The following SNRPD3 variants were observed in gnomAD, a reference collection of about 807,000 sequenced individuals.
SNRPD3 encodes the protein small nuclear ribonucleoprotein D3 polypeptide, also known as small nuclear ribonucleoprotein Sm D3.
For missense variants in SNRPD3, 73 were observed against 167.5 expected, an observed-to-expected ratio of 0.44 and a Z score of 3.11; for synonymous variants, 66 against 58.4, an observed-to-expected ratio of 1.13 and a Z score of -0.59.
At chr22:24,571,289 T>C (rs970404625) in intron 3 of SNRPD3, among the ~76,000 whole-genome samples, 15 of 152,238 alleles carry the variant, frequency 9.9e-5, no homozygotes, top group Non-Finnish European at 1.8e-4. Flanking sequence ...TTGTCTTTTC[T>C]GTAGCTCTCA....
Position 24,569,128 on chromosome 22 carries a change from C to T in SNRPD3, c.319+952C>T, listed in dbSNP as rs916706844. 2.0e-5 allele frequency among the ~76,000 whole-genome samples: 3 copies of T among 152,124 alleles called. No homozygotes were observed. In the East Asian group the frequency reaches 5.8e-4, roughly 29 times the overall value. On this transcript the variant is annotated intron_variant, in intron 3 of 3. Transcript: ENST00000215829. Reference sequence around the variant, plus strand: ...GACTCGAGTGTGAGGGCAGCATTTCCTAGCGAGACTGGGTCTTATGGATGG... The same window carrying T: ...GACTCGAGTGTGAGGGCAGCATTTCTTAGCGAGACTGGGTCTTATGGATGG...
At chr22:24,567,938 C>A in intron 2 of SNRPD3, 46 bp from the exon 3 acceptor site, 1 of 1,484,296 alleles carries the variant, frequency 6.7e-7, no homozygotes. Flanking sequence ...CTCCCCACCG[C>A]TGGTGCTGTT....
chr22:24,572,060 A>G lies in SNRPD3; in HGVS notation c.*83A>G. 6.3e-7 allele frequency: 1 copy of G among 1,588,056 alleles called. No individual in the cohort carries two copies. Among genetic ancestry groups the G allele is most frequent in the Admixed American group, 1.8e-5 (1 of 56,218 alleles). The stretch of plus-strand genomic sequence containing the variant: ...GAGTGGGTGCTTGTGCATATATGCT[A>G]GGTATCTTTTGCCATCTTTCTCTTT... On this transcript the variant is annotated 3_prime_UTR_variant, in exon 4 of 4. Transcript: ENST00000215829.
intron 2 of SNRPD3, among the ~76,000 whole-genome samples, chr22:24,564,454 A>G (rs2045176812): frequency 6.6e-6 from 1 of 152,214 alleles, no homozygotes; most frequent in East Asian, 1.9e-4. Flanking sequence ...GGTTCACTCA[A>G]AAGTTGCTGC....
At chr22:24,555,694 G>A, upstream of SNRPD3, 1 of 1,550,682 alleles carries the variant, frequency 6.4e-7, no homozygotes, top group East Asian at 2.4e-5. Flanking sequence ...TCCCCGGTCT[G>A]AGGGCCCAAG....
In SNRPD3 at chr22:24,560,715, C is replaced by CCTTTTTTTTTTTTT. The variant is rs1569024539; in HGVS notation, c.126+2915_126+2916insCTTTTTTTTTTTTT. Among the ~76,000 whole-genome samples, 8 of 98,864 alleles carry CCTTTTTTTTTTTTT rather than the reference C, an allele frequency of 8.1e-5. 4 individuals carry two copies. The highest frequency in any genetic ancestry group is 3.7e-5 in the Non-Finnish European group (2 of 53,526). The allele number at this position is 98,864 out of a possible 152,430, so 64.9% of individuals were successfully genotyped here. Reference sequence around the variant, plus strand: ...ACAGGCGTGAGCCACTGCACCTGGCCTTTTTTTTTTTTTTTTTTTTTTTTT... The same window carrying CCTTTTTTTTTTTTT: ...ACAGGCGTGAGCCACTGCACCTGGCCCTTTTTTTTTTTTTTTTTTTTTTTTTTTTTTTTTTTTTT... On this transcript the variant is annotated intron_variant, in intron 2 of 3. Transcript: ENST00000215829.
chr22:24,559,399 A>G (rs2045111273), intron 2 of SNRPD3, among the ~76,000 whole-genome samples: 1 of 152,126 alleles, frequency 6.6e-6, no homozygotes, highest in Non-Finnish European at 1.5e-5. Flanking sequence ...AAGGTTCTTT[A>G]ATTTGGTGAG....
In SNRPD3 at chr22:24,571,989, G is replaced by A. The variant is rs775146318; in HGVS notation, c.*12G>A. 1.4e-5 allele frequency: 22 copies of A among 1,613,786 alleles called. No individual in the cohort carries two copies. The East Asian group carries it at 4.7e-4, about 34-fold the overall frequency. On this transcript the variant is annotated 3_prime_UTR_variant, in exon 4 of 4. Transcript: ENST00000215829. ...AAAAGCGAAGATAATTTTCTAAGTT[G>A]AACAGAACTTTGTCCTTTTTTCTTT...
chr22:24,569,874 C>T lies in SNRPD3; in HGVS notation c.319+1698C>T, dbSNP rs566648534. Among the ~76,000 whole-genome samples the T allele has an allele frequency of 3.1e-4, 48 of 152,388 alleles. 3 individuals carry two copies. The South Asian group carries it at 9.5e-3, about 30-fold the overall frequency. On this transcript the variant is annotated intron_variant, in intron 3 of 3. Coordinates refer to ENST00000215829, the MANE Select transcript of SNRPD3 (RefSeq NM_004175.5). ...GTGAGATCTGGAAGGGTCGCAAGCA[C>T]AAGAGCTTCTAGCCCCATGGAGTTT...
intron 2 of SNRPD3, among the ~76,000 whole-genome samples, chr22:24,560,452 T>C (rs1601565161): frequency 1.2e-4 from 2 of 17,014 alleles, no homozygotes; most frequent in African/African-American, 4.0e-4. Flanking sequence ...TTTTTTTTTT[T>C]TTTTTTTTTT....
intron 2 of SNRPD3, among the ~76,000 whole-genome samples, chr22:24,561,300 C>T (rs2045141189): frequency 6.6e-6 from 1 of 151,958 alleles, no homozygotes; most frequent in African/African-American, 2.4e-5. Context: ...TTTCAAACTC[C>T]TGGCCACAAG....
chr22:24,563,897 A>G (rs887315143), intron 2 of SNRPD3, among the ~76,000 whole-genome samples: 1 of 152,252 alleles, frequency 6.6e-6, no homozygotes, highest in Non-Finnish European at 1.5e-5. Flanking sequence ...TGATTGGGTC[A>G]GAAAATTGCC....
chr22:24,563,278 A>ATGTG (rs1198490423), intron 2 of SNRPD3, among the ~76,000 whole-genome samples: 1 of 143,538 alleles, frequency 7.0e-6, no homozygotes, highest in East Asian at 2.0e-4. Context: ...ATGTATATAT[A>ATGTG]TGTGTGTGTG....
chr22:24,560,410 C>G (rs2045123140), intron 2 of SNRPD3, among the ~76,000 whole-genome samples: 1 of 138,920 alleles, frequency 7.2e-6, no homozygotes, highest in African/African-American at 2.7e-5. Flanking sequence ...ATGTGAGCCA[C>G]CATGCCCAGC....
intron 3 of SNRPD3, among the ~76,000 whole-genome samples, chr22:24,571,274 A>G (rs1239439410): frequency 6.6e-6 from 1 of 152,178 alleles, no homozygotes; most frequent in Non-Finnish European, 1.5e-5. Flanking sequence ...GCCAGCCCCA[A>G]GGATTTGTCT....
rs761870566 is a variant in SNRPD3, at chr22:24,572,007, T to G, written c.*30T>G. On this transcript the variant is annotated 3_prime_UTR_variant, in exon 4 of 4. Transcript: ENST00000215829. ...CTAAGTTGAACAGAACTTTGTCCTTTTTTCTTTCAGGTTATCTGAGTTCAT... is the reference window on the plus strand; with the variant it reads ...CTAAGTTGAACAGAACTTTGTCCTTGTTTCTTTCAGGTTATCTGAGTTCAT... The G allele has an allele frequency of 6.2e-7, 1 of 1,613,244 alleles. No homozygotes were observed. Among genetic ancestry groups the G allele is most frequent in the Non-Finnish European group, 8.5e-7 (1 of 1,179,408 alleles).
intron 2 of SNRPD3, among the ~76,000 whole-genome samples, chr22:24,564,369 C>T (rs890198665): frequency 3.3e-5 from 5 of 152,160 alleles, no homozygotes; most frequent in Non-Finnish European, 5.9e-5. Context: ...CTGGCTTATA[C>T]CATATGTGTT....
chr22:24,562,073 G>A (rs2045149075), intron 2 of SNRPD3, among the ~76,000 whole-genome samples: 1 of 152,214 alleles, frequency 6.6e-6, no homozygotes, highest in African/African-American at 2.4e-5. Flanking sequence ...GCCCAGGCTA[G>A]TCTTGCACTC....
chr22:24,557,652 T>G lies in SNRPD3; in HGVS notation c.-18-5T>G, dbSNP rs747958072. ...ATGAACTGACTGTTGTCTCTCTCAT[T>G]GTAGAACTCTCTTCCTGCCAAGATG... On this transcript the variant is annotated splice_polypyrimidine_tract_variant and splice_region_variant and intron_variant, in intron 1 of 3. Transcript: ENST00000215829. 5 of 1,608,356 alleles carry G rather than the reference T, an allele frequency of 3.1e-6. No individual in the cohort carries two copies. Among genetic ancestry groups the G allele is most frequent in the Admixed American group, 1.7e-5 (1 of 59,592 alleles).
Sources: gnomAD v4.1 joint callset for allele counts (sites outside exome capture counted in the v4.1 genomes callset) on GRCh38, gnomAD v4.1.1 for gene constraint, MANE v1.5 for transcripts, NCBI Gene and HGNC (gene_info 2026-07-23, HGNC 2026-07-21) for gene names.